The following METTL15 variants were observed in gnomAD, a reference collection of about 807,000 sequenced individuals.
The protein encoded by METTL15 is 12S rRNA N(4)-cytidine methyltransferase METTL15.
Under a neutral mutation model 38.3 loss-of-function variants are expected in METTL15, and 34 were observed. The observed-to-expected ratio is 0.89, with a 90% CI of 0.68 to 1.18. The LOEUF (loss-of-function observed/expected upper bound fraction) is 1.18. Among genes scored for constraint, METTL15 ranks in the 50% most tolerant of loss-of-function variants. The pLI is 0.00. For synonymous variants in METTL15, 162 were observed against 170.9 expected (o/e 0.95, Z 0.41); for missense variants, 438 against 498.4 (o/e 0.88, Z 1.15).
intron 5 of METTL15, among the ~76,000 whole-genome samples, chr11:28,372,338 G>A (rs150196507): frequency 3.9e-3 from 600 of 152,038 alleles, no homozygotes; most frequent in Middle Eastern, 0.01. Context: ...CTTGATCATG[G>A]TGAATGATCT....
intron 5 of METTL15, among the ~76,000 whole-genome samples, chr11:28,294,957 A>G (rs1036792573): frequency 6.6e-6 from 1 of 152,154 alleles, no homozygotes; most frequent in African/African-American, 2.4e-5. Context: ...TACTCGTCAT[A>G]ATATTATCTT....
chr11:28,330,684 T>A lies in METTL15; in HGVS notation c.1067T>A (p.Leu356Ter), dbSNP rs1312081815. The change falls in exon 7 of 7, where the codon TTG becomes TAG. Residue 356 changes from leucine to a stop codon, truncating the protein, a stop_gained. Transcript: ENST00000407364. LOFTEE classifies it low-confidence loss of function (END_TRUNC). ...VRQQVMKTSQ[L>*]GSDHENTEEV... ...CAACAAGTGATGAAAACATCTCAATTGGGTTCAGATCACGAAAACACGGAA... is the reference window on the plus strand; with the variant it reads ...CAACAAGTGATGAAAACATCTCAATAGGGTTCAGATCACGAAAACACGGAA... 6.4e-7 allele frequency: 1 copy of A among 1,551,454 alleles called. No individual in the cohort carries two copies. The highest frequency in any genetic ancestry group is 1.2e-5 in the South Asian group (1 of 84,054).
intron 6 of METTL15, among the ~76,000 whole-genome samples, chr11:28,474,729 G>A (rs1851330605): frequency 6.6e-6 from 1 of 152,162 alleles, no homozygotes; most frequent in Non-Finnish European, 1.5e-5. Flanking sequence ...TCCATATTTG[G>A]TTTGAAAATG....
intron 3 of METTL15, among the ~76,000 whole-genome samples, chr11:28,169,336 C>T (rs1239850935): frequency 1.3e-5 from 2 of 152,014 alleles, no homozygotes; most frequent in African/African-American, 4.8e-5. Flanking sequence ...TATTTTTTAT[C>T]TTGGTTGTTC....
At chr11:28,497,612 AG>A (rs1851546492) in intron 6 of METTL15, among the ~76,000 whole-genome samples, 3 of 152,198 alleles carry the variant, frequency 2.0e-5, no homozygotes, top group Admixed American at 2.0e-4. Flanking sequence ...ACAATTCTAG[AG>A]GCTGGGAAGT....
At chr11:28,147,077 A>C (rs1436482699) in intron 3 of METTL15, among the ~76,000 whole-genome samples, 1 of 151,962 alleles carries the variant, frequency 6.6e-6, no homozygotes, top group Non-Finnish European at 1.5e-5. Flanking sequence ...AAATGCTAGA[A>C]AGGATTACTG....
intron 6 of METTL15, among the ~76,000 whole-genome samples, chr11:28,325,063 C>A (rs552285847): frequency 6.6e-6 from 1 of 152,294 alleles, no homozygotes; most frequent in East Asian, 1.9e-4. Context: ...AAGCTTTGTC[C>A]TGGCTCCCCT....
intron 4 of METTL15, among the ~76,000 whole-genome samples, chr11:28,227,744 T>C (rs1853539311): frequency 6.6e-6 from 1 of 151,816 alleles, no homozygotes; most frequent in Non-Finnish European, 1.5e-5. Flanking sequence ...TTTAAAAGAA[T>C]AGTCTTCTTG....
chr11:28,115,039 C>G lies in METTL15; in HGVS notation c.270+1435C>G, dbSNP rs780182060. On this transcript the variant is annotated intron_variant, in intron 3 of 6. Coordinates refer to ENST00000407364, the MANE Select transcript of METTL15 (RefSeq NM_001113528.2). ...GAATTCCTTTTCCTGTTTTCTAAGC[C>G]TTGGTTTTCAACTACCCTGAAGTAT... Among the ~76,000 whole-genome samples, 6 of 152,086 alleles carry G rather than the reference C, an allele frequency of 3.9e-5. 1 individual carries two copies. Among genetic ancestry groups the G allele is most frequent in the Admixed American group, 6.5e-5 (1 of 15,268 alleles).
At chr11:28,298,308 A>C (rs1402362727) in intron 6 of METTL15, among the ~76,000 whole-genome samples, 1 of 152,120 alleles carries the variant, frequency 6.6e-6, no homozygotes, top group Non-Finnish European at 1.5e-5. Flanking sequence ...ATTGGAAAGA[A>C]AAGCAGTGAG....
intron 5 of METTL15, among the ~76,000 whole-genome samples, chr11:28,369,543 CAGAA>C (rs1316993581): frequency 6.6e-6 from 1 of 151,948 alleles, no homozygotes; most frequent in Non-Finnish European, 1.5e-5. Flanking sequence ...ATCTTGAAAA[CAGAA>C]AGAGAAAATT....
intron 6 of METTL15, among the ~76,000 whole-genome samples, chr11:28,315,275 A>G (rs543183505): frequency 2.0e-4 from 30 of 152,334 alleles, no homozygotes; most frequent in African/African-American, 6.3e-4. Context: ...ATGTGGTCTC[A>G]GTTGGAAATG....
chr11:28,433,324 G>A (rs1000475072), intron 6 of METTL15, among the ~76,000 whole-genome samples: 2 of 151,944 alleles, frequency 1.3e-5, no homozygotes, highest in East Asian at 3.9e-4. Context: ...TTGACACTGG[G>A]GAGCTAGCAA....
chr11:28,287,416 T>G, intron 4 of METTL15: 1 of 416,578 alleles, frequency 2.4e-6, no homozygotes, highest in South Asian at 1.8e-5. Context: ...CACTCCACAC[T>G]TGTTTAGCCT....
chr11:28,158,965 A>G (rs904916373), intron 3 of METTL15, among the ~76,000 whole-genome samples: 5 of 152,236 alleles, frequency 3.3e-5, no homozygotes, highest in Admixed American at 2.6e-4. Flanking sequence ...GCCGGGATTC[A>G]CGGGTCCAGG....
chr11:28,191,593 G>T (rs1427164184), intron 3 of METTL15, among the ~76,000 whole-genome samples: 1 of 151,318 alleles, frequency 6.6e-6, no homozygotes, highest in Non-Finnish European at 1.5e-5. Context: ...TATATTTTCA[G>T]GTTCTATGGT....
chr11:28,377,967 CG>C (rs1198529033), intron 5 of METTL15, among the ~76,000 whole-genome samples: 3 of 152,090 alleles, frequency 2.0e-5, no homozygotes, highest in African/African-American at 7.2e-5. Flanking sequence ...TTAGGCTGCT[CG>C]GGGGTCAGGG....
At chr11:28,311,454 C>A (rs1050193072) in intron 6 of METTL15, among the ~76,000 whole-genome samples, 2 of 152,176 alleles carry the variant, frequency 1.3e-5, no homozygotes, top group Non-Finnish European at 2.9e-5. Flanking sequence ...ATATGCCTAA[C>A]TAGCATTTGC....
intron 6 of METTL15, among the ~76,000 whole-genome samples, chr11:28,512,022 G>A (rs1053891693): frequency 4.6e-5 from 7 of 151,670 alleles, no homozygotes; most frequent in East Asian, 1.9e-4. Flanking sequence ...ACAGAGTGTC[G>A]ATTGGTGCAT....
Sources: gnomAD v4.1 joint callset for allele counts (sites outside exome capture counted in the v4.1 genomes callset) on GRCh38, gnomAD v4.1.1 for gene constraint, MANE v1.5 for transcripts, NCBI Gene and HGNC (gene_info 2026-07-23, HGNC 2026-07-21) for gene names.